WDPCP: variants seen among roughly 807,000 people sequenced by gnomAD.
WDPCP encodes the protein WD repeat containing planar cell polarity effector, also known as WD repeat-containing and planar cell polarity effector protein fritz homolog.
WDPCP carries 71 observed loss-of-function variants against 93.1 expected under a neutral mutation model. The ratio of observed to expected loss-of-function variants is 0.76; its 90% CI spans 0.63 to 0.93. The LOEUF (loss-of-function observed/expected upper bound fraction) is 0.93, where lower values mean the gene tolerates loss of function less well. Ranked by LOEUF, WDPCP falls within the 40% of genes least tolerant of loss-of-function variation. The pLI is 0.00. For missense variants in WDPCP, 844 were observed against 887.4 expected (o/e 0.95, Z 0.62); for synonymous variants, 315 against 315.0 (o/e 1.00, Z 0.00).
chr2:63,837,779 T>C, the WDPCP span, among the ~76,000 whole-genome samples: 2 of 152,264 alleles, frequency 1.3e-5, no homozygotes, highest in African/African-American at 2.4e-5. Flanking sequence ...TCTCTAAATA[T>C]AAACTTTTTA....
intron 13 of WDPCP, among the ~76,000 whole-genome samples, chr2:63,304,253 T>C (rs879808870): frequency 6.6e-6 from 1 of 152,308 alleles, no homozygotes; most frequent in East Asian, 1.9e-4. Context: ...TCATCAATGG[T>C]TGATTGTATA....
At chr2:63,591,745 A>C (rs1709205422), upstream of WDPCP, among the ~76,000 whole-genome samples, 1 of 152,210 alleles carries the variant, frequency 6.6e-6, no homozygotes, top group Non-Finnish European at 1.5e-5. Context: ...TTCATGGCCT[A>C]ATACAGAGCA....
intron 14 of WDPCP, among the ~76,000 whole-genome samples, chr2:63,208,897 G>A (rs1350029879): frequency 6.6e-6 from 1 of 152,084 alleles, no homozygotes; most frequent in Non-Finnish European, 1.5e-5. Flanking sequence ...AGCTTGCCTT[G>A]GAACACCTGC....
intron 12 of WDPCP, among the ~76,000 whole-genome samples, chr2:63,338,602 ATATATATATATATATG>A: frequency 2.3e-5 from 3 of 130,088 alleles, no homozygotes; most frequent in Non-Finnish European, 3.2e-5. Context: ...ATATATATAT[ATATATATATATATATG>A]GATAATTAGA....
chr2:63,610,174 C>T (rs1370211600), intron 3 of WDPCP, among the ~76,000 whole-genome samples: 1 of 152,102 alleles, frequency 6.6e-6, no homozygotes, highest in Non-Finnish European at 1.5e-5. Flanking sequence ...CTATGCCTTT[C>T]CTAAGCATTT....
intron 13 of WDPCP, among the ~76,000 whole-genome samples, chr2:63,296,426 T>C (rs1325049190): frequency 6.6e-6 from 1 of 152,106 alleles, no homozygotes; most frequent in Non-Finnish European, 1.5e-5. Context: ...TTCAACATAA[T>C]ACTGGGAAGT....
intron 12 of WDPCP, among the ~76,000 whole-genome samples, chr2:63,375,930 C>T (rs912723857): frequency 6.6e-6 from 1 of 151,790 alleles, no homozygotes; most frequent in Non-Finnish European, 1.5e-5. Flanking sequence ...TTTAAAATTC[C>T]CTATGATGGT....
intron 12 of WDPCP, among the ~76,000 whole-genome samples, chr2:63,336,146 A>G (rs968766052): frequency 6.6e-6 from 1 of 152,180 alleles, no homozygotes; most frequent in African/African-American, 2.4e-5. Context: ...ACTTTTTTAA[A>G]TAAACTTGCT....
intron 1 of WDPCP, among the ~76,000 whole-genome samples, chr2:63,528,338 T>C (rs1281408410): frequency 6.6e-6 from 1 of 152,256 alleles, no homozygotes; most frequent in Non-Finnish European, 1.5e-5. Flanking sequence ...GCTAGGGTTT[T>C]TATGGTTTTA....
At chr2:63,330,682 CTTTG>C (rs967679646) in intron 12 of WDPCP, among the ~76,000 whole-genome samples, 2 of 152,044 alleles carry the variant, frequency 1.3e-5, no homozygotes, top group Non-Finnish European at 2.9e-5. Context: ...AACTTTACCT[CTTTG>C]TTTACTTCTA....
intron 13 of WDPCP, among the ~76,000 whole-genome samples, chr2:63,296,904 A>T (rs1348697879): frequency 1.3e-5 from 2 of 152,216 alleles, no homozygotes; most frequent in Admixed American, 6.5e-5. Flanking sequence ...TTCCTATCGA[A>T]GTACCAATGT....
chr2:63,267,661 TA>T (rs1350498383), intron 13 of WDPCP, among the ~76,000 whole-genome samples: 4 of 152,122 alleles, frequency 2.6e-5, no homozygotes, highest in Non-Finnish European at 4.4e-5. Context: ...TAAAAGCTGG[TA>T]AAAGTATCTG....
intron 2 of WDPCP, among the ~76,000 whole-genome samples, chr2:63,674,051 A>G (rs1251629496): frequency 6.6e-6 from 1 of 152,192 alleles, no homozygotes; most frequent in Non-Finnish European, 1.5e-5. Flanking sequence ...CCAAAGCCTC[A>G]GGCAGCCCTG....
At chr2:63,295,486 A>G (rs1684771989) in intron 13 of WDPCP, among the ~76,000 whole-genome samples, 1 of 152,080 alleles carries the variant, frequency 6.6e-6, no homozygotes, top group Non-Finnish European at 1.5e-5. Context: ...CAGGTATGGT[A>G]ATACTAATAT....
chr2:63,588,197 C>T lies in WDPCP; in HGVS notation c.75G>A (p.Gln25=). ...CCCTTGCCCTCGGGCCAGGGCTCAC[C>T]TGTCTCGGGAGTGGGGAAGAAGCGC... ...GSRASSPLPR[Q]DRDSFCHQMS... The change falls in exon 1 of 18, where the codon CAG becomes CAA. Residue 25 remains glutamine, a splice_region_variant and synonymous_variant. Transcript: ENST00000272321. 1 of 1,566,250 alleles carries T rather than the reference C, an allele frequency of 6.4e-7. No homozygotes were observed. Among genetic ancestry groups the T allele is most frequent in the Middle Eastern group, 1.7e-4 (1 of 6,018 alleles).
chr2:63,808,023 CAA>C (rs1405838111), intron 2 of WDPCP, among the ~76,000 whole-genome samples: 1 of 152,096 alleles, frequency 6.6e-6, no homozygotes, highest in Non-Finnish European at 1.5e-5. Context: ...TGAATTATTA[CAA>C]AGAGTGACTA....
intron 15 of WDPCP, among the ~76,000 whole-genome samples, chr2:63,172,602 A>G (rs577849063): frequency 2.6e-5 from 4 of 151,742 alleles, no homozygotes; most frequent in African/African-American, 4.8e-5. Context: ...TACTTATTTT[A>G]TAAACAATAC....
chr2:63,465,589 T>C (rs1699293684), intron 6 of WDPCP, among the ~76,000 whole-genome samples: 1 of 152,208 alleles, frequency 6.6e-6, no homozygotes, highest in Non-Finnish European at 1.5e-5. Context: ...TAAGTATTTA[T>C]GTCCTAATAA....
chr2:63,612,392 C>CTT (rs1709623791), intron 3 of WDPCP, among the ~76,000 whole-genome samples: 1 of 152,140 alleles, frequency 6.6e-6, no homozygotes, highest in Non-Finnish European at 1.5e-5. Context: ...GCCACTTTAG[C>CTT]ATAAGAAGTA....
Sources: allele counts gnomAD v4.1 joint callset (sites outside exome capture counted in the v4.1 genomes callset), GRCh38; gene constraint gnomAD v4.1.1; transcripts MANE v1.5; gene names NCBI Gene and HGNC (gene_info 2026-07-23, HGNC 2026-07-21).